The following GPC6 variants were observed in gnomAD, a reference collection of about 807,000 sequenced individuals.
GPC6 encodes the protein glypican-6.
In GPC6, 14 loss-of-function variants were observed where a neutral mutation model predicts 55.2. The ratio of observed to expected loss-of-function variants is 0.25; its 90% CI spans 0.17 to 0.40. The LOEUF (loss-of-function observed/expected upper bound fraction) is 0.40, where lower values mean the gene tolerates loss of function less well. GPC6 is among the 10% of genes least tolerant of loss of function. The pLI is 1.00. For synonymous variants in GPC6, 278 were observed against 259.6 expected, an observed-to-expected ratio of 1.07 and a Z score of -0.68; for missense variants, 641 against 708.5, an observed-to-expected ratio of 0.90 and a Z score of 1.08.
At chr13:94,119,108 T>C (rs910851213) in intron 4 of GPC6, among the ~76,000 whole-genome samples, 3 of 152,052 alleles carry the variant, frequency 2.0e-5, no homozygotes, top group East Asian at 3.9e-4. Context: ...AAATCAGAAT[T>C]CTTGTTAATA....
intron 2 of GPC6, among the ~76,000 whole-genome samples, chr13:93,581,792 G>T (rs1361526040): frequency 6.6e-6 from 1 of 152,182 alleles, no homozygotes; most frequent in East Asian, 1.9e-4. Flanking sequence ...CACGACAATT[G>T]TATTCCTAAC....
intron 2 of GPC6, among the ~76,000 whole-genome samples, chr13:93,811,226 A>G (rs1886685095): frequency 1.3e-5 from 2 of 152,234 alleles, no homozygotes; most frequent in Non-Finnish European, 2.9e-5. Flanking sequence ...TCTTGAAAAG[A>G]GTCAGGAGCA....
At chr13:93,914,318 T>C (rs1877176289) in intron 3 of GPC6, among the ~76,000 whole-genome samples, 1 of 152,144 alleles carries the variant, frequency 6.6e-6, no homozygotes, top group African/African-American at 2.4e-5. Flanking sequence ...CATGCGGTGT[T>C]TGGTTTTTTT....
intron 6 of GPC6, among the ~76,000 whole-genome samples, chr13:94,342,772 C>T (rs2139158178): frequency 6.6e-6 from 1 of 152,252 alleles, no homozygotes; most frequent in Admixed American, 6.5e-5. Context: ...AGGTTGCCTC[C>T]TGCACCTCGG....
At chr13:93,817,869 T>TATAGATAG (rs10599851) in intron 2 of GPC6, among the ~76,000 whole-genome samples, 2 of 146,898 alleles carry the variant, frequency 1.4e-5, no homozygotes, top group African/African-American at 5.0e-5. Flanking sequence ...AAAAATAATG[T>TATAGATAG]ATAGATAGAT....
intron 6 of GPC6, among the ~76,000 whole-genome samples, chr13:94,334,407 A>G (rs1308911342): frequency 6.6e-6 from 1 of 152,254 alleles, no homozygotes; most frequent in Non-Finnish European, 1.5e-5. Context: ...TCTTCTCTAC[A>G]ATAACCAAAT....
intron 2 of GPC6, among the ~76,000 whole-genome samples, chr13:93,617,856 T>A (rs187261239): frequency 4.6e-5 from 7 of 151,028 alleles, no homozygotes; most frequent in African/African-American, 1.7e-4. Flanking sequence ...AACAAAAATA[T>A]GTAATATTCT....
intron 1 of GPC6, among the ~76,000 whole-genome samples, chr13:93,460,973 A>C (rs1429167076): frequency 6.6e-6 from 1 of 152,192 alleles, no homozygotes; most frequent in Non-Finnish European, 1.5e-5. Context: ...AACTTTATAA[A>C]ATGAGGGCTC....
Position 94,049,785 on chromosome 13 carries a change from G to A in GPC6, c.877+21891G>A, listed in dbSNP as rs1246169034. Among the ~76,000 whole-genome samples the A allele has an allele frequency of 2.0e-5, 3 of 152,026 alleles. No individual in the cohort carries two copies. The East Asian group carries it at 5.8e-4, about 29-fold the overall frequency. Reference sequence around the variant, plus strand: ...GTACTTTACCTATCTGTTTGTTTGGGTATTGATGTGGTTTGGCTGGGTCAC... The same window carrying A: ...GTACTTTACCTATCTGTTTGTTTGGATATTGATGTGGTTTGGCTGGGTCAC... On this transcript the variant is annotated intron_variant, in intron 4 of 8. Coordinates refer to ENST00000377047, the MANE Select transcript of GPC6 (RefSeq NM_005708.5).
upstream of GPC6, among the ~76,000 whole-genome samples, chr13:93,222,083 T>G (rs910224614): frequency 6.6e-6 from 1 of 152,224 alleles, no homozygotes; most frequent in African/African-American, 2.4e-5. Flanking sequence ...GAGTTATTAT[T>G]TGATTCAGAA....
At chr13:93,445,180 C>T (rs911603965) in intron 1 of GPC6, among the ~76,000 whole-genome samples, 62 of 152,128 alleles carry the variant, frequency 4.1e-4, no homozygotes, top group Non-Finnish European at 1.0e-4. Flanking sequence ...ACTGTACCAA[C>T]GTCTGGAGTA....
At chr13:93,588,033 A>G (rs1013677205) in intron 2 of GPC6, among the ~76,000 whole-genome samples, 5 of 152,152 alleles carry the variant, frequency 3.3e-5, no homozygotes, top group African/African-American at 1.2e-4. Context: ...TTCTAAAGTC[A>G]ATGAGGTAGG....
chr13:94,274,140 G>A (rs751726589), intron 4 of GPC6, among the ~76,000 whole-genome samples: 5 of 152,110 alleles, frequency 3.3e-5, no homozygotes, highest in East Asian at 1.9e-4. Flanking sequence ...AGCCAATGTC[G>A]GAAAATGAAT....
chr13:93,429,040 G>T (rs1001473760), intron 1 of GPC6, among the ~76,000 whole-genome samples: 5 of 151,892 alleles, frequency 3.3e-5, no homozygotes, highest in Non-Finnish European at 5.9e-5. Context: ...ATTAAACCTG[G>T]CCACCTTCTG....
intron 7 of GPC6, among the ~76,000 whole-genome samples, chr13:94,393,092 T>C (rs1264185401): frequency 6.6e-6 from 1 of 152,228 alleles, no homozygotes; most frequent in Non-Finnish European, 1.5e-5. Context: ...AAAACTTAGA[T>C]TTTTAAGAAA....
chr13:93,742,234 A>G (rs1884232093), intron 2 of GPC6, among the ~76,000 whole-genome samples: 1 of 152,230 alleles, frequency 6.6e-6, no homozygotes, highest in Admixed American at 6.5e-5. Context: ...ATATGATTCC[A>G]TGTAAAGTGT....
chr13:93,888,597 A>T (rs1418262997), intron 3 of GPC6, among the ~76,000 whole-genome samples: 1 of 152,206 alleles, frequency 6.6e-6, no homozygotes. Flanking sequence ...TCTGAACACC[A>T]GAAATCTCCC....
At chr13:93,253,643 T>C (rs1876858783) in intron 1 of GPC6, among the ~76,000 whole-genome samples, 1 of 152,058 alleles carries the variant, frequency 6.6e-6, no homozygotes, top group Non-Finnish European at 1.5e-5. Flanking sequence ...TGATACAGTA[T>C]TAATTGTTCT....
At chr13:94,401,326 C>T (rs369831316) in intron 8 of GPC6, among the ~76,000 whole-genome samples, 5 of 152,204 alleles carry the variant, frequency 3.3e-5, no homozygotes, top group Middle Eastern at 3.4e-3. Flanking sequence ...TGAACAGGCA[C>T]GTAAATAATA....
Sources: allele counts gnomAD v4.1 joint callset (sites outside exome capture counted in the v4.1 genomes callset), GRCh38; gene constraint gnomAD v4.1.1; transcripts MANE v1.5; gene names NCBI Gene and HGNC (gene_info 2026-07-23, HGNC 2026-07-21).